CD1B: variants seen among roughly 807,000 people sequenced by gnomAD.
The protein encoded by CD1B is T-cell surface glycoprotein CD1b.
Under a neutral mutation model 39.8 loss-of-function variants are expected in CD1B, and 43 were observed. The ratio of observed to expected loss-of-function variants is 1.08; its 90% CI spans 0.85 to 1.39. CD1B has a LOEUF of 1.39. Among genes scored for constraint, CD1B ranks in the 40% most tolerant of loss-of-function variants. The probability of loss-of-function intolerance (pLI) is 0.00; values close to 1 mark genes in which losing one functional copy is unlikely to be tolerated. For synonymous variants in CD1B, 192 were observed against 152.5 expected, an observed-to-expected ratio of 1.26 and a Z score of -1.91; for missense variants, 495 against 403.8, an observed-to-expected ratio of 1.23 and a Z score of -1.94.
downstream of CD1B, among the ~76,000 whole-genome samples, chr1:158,324,817 C>T (rs974011701): frequency 1.3e-5 from 2 of 152,080 alleles, no homozygotes; most frequent in East Asian, 3.9e-4. Flanking sequence ...AACTTTGCCA[C>T]ATCAGGAAGT....
At chr1:158,292,341 G>A in the CD1B span, 1 of 1,614,014 alleles carries the variant, frequency 6.2e-7, no homozygotes, top group Admixed American at 1.7e-5. Flanking sequence ...CCTGGATGCA[G>A]GGAAGATGTA....
the CD1B span, among the ~76,000 whole-genome samples, chr1:158,295,898 A>G: frequency 6.6e-6 from 1 of 151,710 alleles, no homozygotes; most frequent in Non-Finnish European, 1.5e-5. Flanking sequence ...TGGCATACAT[A>G]CACAGACATC....
chr1:158,313,109 G>T, the CD1B span, among the ~76,000 whole-genome samples: 2 of 148,770 alleles, frequency 1.3e-5, no homozygotes, highest in Non-Finnish European at 3.0e-5. Context: ...AAATGATTAC[G>T]TGCTTTTGTC....
chr1:158,329,291 C>A, intron 4 of CD1B, 79 bp downstream of exon 4: 3 of 1,517,956 alleles, frequency 2.0e-6, no homozygotes, highest in Non-Finnish European at 2.7e-6. Flanking sequence ...CTCTCAAGCT[C>A]TATCCTTCCC....
downstream of CD1B, among the ~76,000 whole-genome samples, chr1:158,326,186 A>G (rs1474486652): frequency 1.3e-5 from 2 of 152,034 alleles, no homozygotes; most frequent in African/African-American, 4.8e-5. Flanking sequence ...GTTAGCCAGG[A>G]TGGTCTCAAT....
intron 5 of CD1B, 78 bp from the exon 6 acceptor site, chr1:158,328,335 A>G: frequency 8.0e-7 from 1 of 1,253,848 alleles, no homozygotes. Flanking sequence ...ATTATTCATG[A>G]TAGTTAAAAG....
At chr1:158,329,216 T>C (rs1652479959) in intron 4 of CD1B, among the ~76,000 whole-genome samples, 154 bp downstream of exon 4, 2 of 152,164 alleles carry the variant, frequency 1.3e-5, no homozygotes, top group Non-Finnish European at 2.9e-5. Context: ...ACTTGGATTA[T>C]CTATTTTTAC....
the CD1B span, among the ~76,000 whole-genome samples, chr1:158,306,164 T>G: frequency 6.6e-6 from 1 of 152,160 alleles, no homozygotes; most frequent in South Asian, 2.1e-4. Flanking sequence ...GACCCATCAG[T>G]GTGCTGTATT....
the CD1B span, among the ~76,000 whole-genome samples, chr1:158,311,712 T>G: frequency 6.6e-6 from 1 of 152,218 alleles, no homozygotes; most frequent in African/African-American, 2.4e-5. Context: ...TTCTTCTGCA[T>G]ATGGATATTC....
chr1:158,322,883 C>T, the CD1B span, among the ~76,000 whole-genome samples: 6 of 152,122 alleles, frequency 3.9e-5, no homozygotes, highest in African/African-American at 1.4e-4. Flanking sequence ...ATCAACATTC[C>T]CTTACATGTT....
the CD1B span, among the ~76,000 whole-genome samples, chr1:158,305,262 A>G: frequency 6.6e-6 from 1 of 152,222 alleles, no homozygotes; most frequent in Non-Finnish European, 1.5e-5. Context: ...GGAGCTGAAA[A>G]CAAAGGCAAG....
the CD1B span, among the ~76,000 whole-genome samples, chr1:158,314,814 AC>A: frequency 1.6e-5 from 1 of 63,320 alleles, no homozygotes; most frequent in Non-Finnish European, 3.1e-5. Flanking sequence ...CCCTCCCCCC[AC>A]CCCACAACAG....
the CD1B span, chr1:158,292,984 A>G: frequency 1.8e-6 from 2 of 1,093,270 alleles, no homozygotes; most frequent in Non-Finnish European, 1.3e-6. Context: ...GAAGAAATGT[A>G]TAGGGTAATT....
At chr1:158,321,991 C>A in the CD1B span, among the ~76,000 whole-genome samples, 1 of 152,070 alleles carries the variant, frequency 6.6e-6, no homozygotes, top group East Asian at 1.9e-4. Flanking sequence ...TTATTTTAAG[C>A]TAATAGGAAC....
chr1:158,329,564 G>C lies in CD1B; in HGVS notation c.692C>G (p.Pro231Arg). 1.9e-6 allele frequency: 3 copies of C among 1,614,096 alleles called. No individual in the cohort carries two copies. Among genetic ancestry groups the C allele is most frequent in the Non-Finnish European group, 2.5e-6 (3 of 1,180,028 alleles). ...CATCCACATCACCCACACGGGCTTTGGGTAGAATCCTGAGACATGGCACAC... is the reference window on the plus strand; with the variant it reads ...CATCCACATCACCCACACGGGCTTTCGGTAGAATCCTGAGACATGGCACAC... ...QLVCHVSGFY[P>R]KPVWVMWMRG... The change falls in exon 4 of 6, where the codon CCA becomes CGA. Residue 231 changes from proline to arginine, a missense_variant. By Grantham distance (103) the Pro-to-Arg change is moderately radical. Transcript: ENST00000368168.
the CD1B span, among the ~76,000 whole-genome samples, chr1:158,322,408 T>G: frequency 0.031 from 4,619 of 146,950 alleles, 232 homozygotes; most frequent in African/African-American, 0.12. Context: ...GGCTATTTAT[T>G]TTTTTTCTGT....
chr1:158,305,426 C>T, the CD1B span, among the ~76,000 whole-genome samples: 2 of 152,102 alleles, frequency 1.3e-5, no homozygotes, highest in Non-Finnish European at 2.9e-5. Context: ...AAATATGGGA[C>T]TATGTGAAAA....
At chr1:158,305,730 C>T in the CD1B span, among the ~76,000 whole-genome samples, 2 of 152,226 alleles carry the variant, frequency 1.3e-5, no homozygotes, top group Non-Finnish European at 2.9e-5. Flanking sequence ...AACAGCTGAT[C>T]TCTCAGCAGA....
At chr1:158,306,541 G>T in the CD1B span, among the ~76,000 whole-genome samples, 105 of 152,220 alleles carry the variant, frequency 6.9e-4, 1 homozygote, top group African/African-American at 2.5e-3. Context: ...AGTTAACAAG[G>T]ATATCCAGGA....
Sources: allele counts gnomAD v4.1 joint callset (sites outside exome capture counted in the v4.1 genomes callset), GRCh38; gene constraint gnomAD v4.1.1; transcripts MANE v1.5; gene names NCBI Gene and HGNC (gene_info 2026-07-23, HGNC 2026-07-21).